The following STK36 variants were observed in gnomAD, a reference collection of about 807,000 sequenced individuals.
STK36 encodes serine/threonine-protein kinase 36.
A neutral mutation model predicts 142.2 loss-of-function variants in STK36; 116 were observed. The ratio of observed to expected loss-of-function variants is 0.82; its 90% CI spans 0.70 to 0.95. The LOEUF (loss-of-function observed/expected upper bound fraction) is 0.95, where lower values mean the gene tolerates loss of function less well. Ranked by LOEUF, STK36 falls within the 40% of genes least tolerant of loss-of-function variation. STK36 has a pLI of 0.00. For missense variants in STK36, 1,422 were observed against 1,617.2 expected, an observed-to-expected ratio of 0.88 and a Z score of 2.07; for synonymous variants, 619 against 641.7, an observed-to-expected ratio of 0.96 and a Z score of 0.53.
intron 6 of STK36, among the ~76,000 whole-genome samples, chr2:218,677,672 G>T (rs1488940777): frequency 6.6e-6 from 1 of 152,242 alleles, no homozygotes; most frequent in Admixed American, 6.5e-5. Context: ...TATCAGAATG[G>T]TGAGAGCTGG....
rs1941322143 is a variant in STK36 at position 218,698,590 on chromosome 2, C to T, written c.3058-12C>T. On this transcript the variant is annotated splice_polypyrimidine_tract_variant and intron_variant, in intron 25 of 26. Coordinates refer to ENST00000295709, the MANE Select transcript of STK36 (RefSeq NM_015690.5). ...CTCTCTCCCTGAATCCTTTTACCTC[C>T]TGTTCTCTCAGGTCTGCTGCTACCA... 5 of 1,610,914 alleles carry T rather than the reference C, an allele frequency of 3.1e-6. No individual in the cohort carries two copies. The highest frequency in any genetic ancestry group is 4.5e-5 in the East Asian group (2 of 44,870).
Position 218,699,114 on chromosome 2 carries a change from G to T in STK36, c.3570G>T (p.Leu1190=), listed in dbSNP as rs1173699535. ...AGGCTGGTCCTCTGGGACCTGCCCT[G>T]GCAGCTGCAGTGCCCAGTATGACCC... is the stretch of plus-strand genomic sequence containing the variant. ...AYQAGPLGPA[L]AAAVPSMTQL... The change falls in exon 26 of 27, where the codon CTG becomes CTT. Residue 1190 remains leucine, a synonymous_variant. Transcript: ENST00000295709. 3.7e-6 allele frequency: 6 copies of T among 1,614,032 alleles called. No homozygotes were observed. The highest frequency in any genetic ancestry group is 5.1e-6 in the Non-Finnish European group (6 of 1,180,022).
At chr2:218,687,690 C>G (rs1470728053) in intron 11 of STK36, among the ~76,000 whole-genome samples, 1 of 152,162 alleles carries the variant, frequency 6.6e-6, no homozygotes, top group Non-Finnish European at 1.5e-5. Flanking sequence ...TCTTGGACTA[C>G]TTACTTGACT....
rs1323459961 is a variant in STK36 at position 218,685,098 on chromosome 2, A to G, written c.1250A>G (p.Asp417Gly). The change falls in exon 11 of 27, where the codon GAC becomes GGC. Residue 417 changes from aspartate (D) to glycine (G), a missense_variant. This residue lies in a region of STK36 where 962 missense variants were observed against 1,167.5 expected (regional missense o/e 0.82). Transcript: ENST00000295709. ...VDLENEEPDS[D>G]NEWQHLLETT... ...CCTCTGCCTCAGGAGCCAGACAGTGACAATGAGTGGCAGCACCTGCTAGAG... is the reference window on the plus strand; with the variant it reads ...CCTCTGCCTCAGGAGCCAGACAGTGGCAATGAGTGGCAGCACCTGCTAGAG... 3.7e-6 allele frequency: 6 copies of G among 1,614,126 alleles called. No individual in the cohort carries two copies. Among genetic ancestry groups the G allele is most frequent in the East Asian group, 2.2e-5 (1 of 44,876 alleles).
At chr2:218,690,614 T>A in intron 14 of STK36, 59 bp downstream of exon 14, 1 of 1,355,060 alleles carries the variant, frequency 7.4e-7, no homozygotes, top group Non-Finnish European at 1.1e-6. Flanking sequence ...GTTTCTCCCA[T>A]CCCCTTTCTT....
At position 218,672,794 on chromosome 2, in the gene STK36, A is replaced by T. The variant is rs778067226; in HGVS notation, c.-36A>T. On this transcript the variant is annotated 5_prime_UTR_variant, in exon 2 of 27. Coordinates refer to ENST00000295709, the MANE Select transcript of STK36 (RefSeq NM_015690.5). Reference sequence around the variant, plus strand: ...GGATCTATAGCTCTTCACCGTCTCTACTTTCTTCCTTCTAAGAGATCCTGA... The same window carrying T: ...GGATCTATAGCTCTTCACCGTCTCTTCTTTCTTCCTTCTAAGAGATCCTGA... The T allele has an allele frequency of 1.2e-6, 2 of 1,605,282 alleles. No homozygotes were observed. Among genetic ancestry groups the T allele is most frequent in the South Asian group, 2.2e-5 (2 of 90,868 alleles).
chr2:218,694,756 T>G lies in STK36; in HGVS notation c.2511+121T>G. On this transcript the variant is annotated intron_variant, in intron 21 of 26. Coordinates refer to ENST00000295709, the MANE Select transcript of STK36 (RefSeq NM_015690.5). This position sits in a 1 kb window ranked among gnomAD's most constrained non-coding sequence, Gnocchi z 4.4. ...AGTAAACTGAGGAATGGAAAAGGAA[T>G]CAAGGAGCCCTTCCTTTTCTAGATT... The G allele has an allele frequency of 1.2e-6, 1 of 802,576 alleles. No individual in the cohort carries two copies. The allele number at this position is 802,576 out of a possible 1,614,324, so 49.7% of individuals were successfully genotyped here.
chr2:218,673,331 T>G, intron 2 of STK36: 1 of 430,274 alleles, frequency 2.3e-6, no homozygotes, highest in Non-Finnish European at 4.1e-6. Context: ...CCTCTTCATT[T>G]TTTTTTTCCT....
intron 2 of STK36, 190 bp downstream of exon 2, chr2:218,673,103 C>A: frequency 1.9e-6 from 1 of 538,486 alleles, no homozygotes; most frequent in Non-Finnish European, 3.3e-6. Context: ...CGCTTTCTAG[C>A]CCTAGAATTA....
intron 6 of STK36, among the ~76,000 whole-genome samples, chr2:218,677,529 T>C (rs1575122781): frequency 6.6e-6 from 1 of 152,326 alleles, no homozygotes; most frequent in East Asian, 1.9e-4. Flanking sequence ...CTATGCTTTA[T>C]CACAATGAAA....
chr2:218,695,287 G>A (rs181734671), intron 21 of STK36, among the ~76,000 whole-genome samples: 10 of 135,542 alleles, frequency 7.4e-5, no homozygotes, highest in South Asian at 4.8e-4. Flanking sequence ...GTGCCATGGC[G>A]CGATCTCGGC....
chr2:218,675,925 A>T, intron 5 of STK36, 104 bp from the exon 6 acceptor site: 1 of 1,458,166 alleles, frequency 6.9e-7, no homozygotes, highest in Non-Finnish European at 9.4e-7. Flanking sequence ...ACCTAATCAA[A>T]GGTGCTCCCT....
chr2:218,676,336 CTG>C (rs1940245309), intron 6 of STK36, 58 bp downstream of exon 6: 1 of 1,586,036 alleles, frequency 6.3e-7, no homozygotes, highest in African/African-American at 1.4e-5. Context: ...CCCTCTATCT[CTG>C]TTCCTTTTTC....
chr2:218,701,763 C>G lies in STK36; in HGVS notation c.3805-103C>G, dbSNP rs995337898. ...CCCATTTCCTTTTTCTTCCTCTTCT[C>G]GAGTGGGAATTCCTGGGTAAATGAG... is the stretch of plus-strand genomic sequence containing the variant. On this transcript the variant is annotated intron_variant, in intron 26 of 26. Transcript: ENST00000295709. The G allele has an allele frequency of 5.0e-6, 7 of 1,408,688 alleles. No homozygotes were observed. The Admixed American group carries it at 1.5e-4, about 31-fold the overall frequency. The allele number at this position is 1,408,688 out of a possible 1,614,324, so 87.3% of individuals were successfully genotyped here.
intron 6 of STK36, among the ~76,000 whole-genome samples, chr2:218,677,926 G>A (rs959822802): frequency 6.6e-6 from 1 of 152,118 alleles, no homozygotes; most frequent in Non-Finnish European, 1.5e-5. Context: ...GAGTAGCTGG[G>A]ACTACAGGTG....
Position 218,694,673 on chromosome 2 carries a change from TGA to T in STK36, c.2511+40_2511+41del. On this transcript the variant is annotated intron_variant, in intron 21 of 26. Transcript: ENST00000295709. The surrounding 1 kb of genome is among the most constrained non-coding windows in gnomAD (Gnocchi z 4.4). The stretch of plus-strand genomic sequence containing the variant: ...AGGGAGGGCACAGACATGTTTTCTC[TGA>T]GTCAGACACTAGGACTGCATTCAAG... 1 of 1,558,236 alleles carries T rather than the reference TGA, an allele frequency of 6.4e-7. No individual in the cohort carries two copies.
At chr2:218,680,486 T>G (rs1940466895) in intron 9 of STK36, 117 bp from the exon 10 acceptor site, 2 of 806,892 alleles carry the variant, frequency 2.5e-6, no homozygotes, top group African/African-American at 1.7e-5. Flanking sequence ...TCTCCTCTAG[T>G]CAATCCTATA....
rs943234438 is a variant in STK36 at position 218,700,104 on chromosome 2, T to G, written c.3804+756T>G. On this transcript the variant is annotated intron_variant, in intron 26 of 26. Coordinates refer to ENST00000295709, the MANE Select transcript of STK36 (RefSeq NM_015690.5). ...CGCCTGGCTAATTTTGTATTTTTAGTAGAGACAGGTTTCTCCATGTTGGTC... is the reference window on the plus strand; with the variant it reads ...CGCCTGGCTAATTTTGTATTTTTAGGAGAGACAGGTTTCTCCATGTTGGTC... Among the ~76,000 whole-genome samples, 5 of 152,230 alleles carry G rather than the reference T, an allele frequency of 3.3e-5. No homozygotes were observed. The South Asian group carries it at 1.0e-3, about 32-fold the overall frequency.
At position 218,672,201 on chromosome 2, in the gene STK36, C is replaced by G. The variant is rs79434202; in HGVS notation, c.-104C>G. On this transcript the variant is annotated 5_prime_UTR_variant, in exon 1 of 27. Coordinates refer to ENST00000295709, the MANE Select transcript of STK36 (RefSeq NM_015690.5). ...TTGTCCTCTGAACTTCTCACCAGTT[C>G]TAGCGAGTAAAATTGTAAGAAAGGG... 2,554 of 572,616 alleles carry G rather than the reference C, an allele frequency of 4.5e-3. 47 individuals carry two copies. Among genetic ancestry groups the G allele is most frequent in the African/African-American group, 0.043 (2,258 of 53,114 alleles). 35.5% of individuals were successfully genotyped at this position (572,616 alleles called of 1,614,324 possible).
Sources: allele counts gnomAD v4.1 joint callset (sites outside exome capture counted in the v4.1 genomes callset), GRCh38; gene constraint gnomAD v4.1.1; regional missense constraint gnomAD v4.1.1; non-coding constraint Gnocchi (gnomAD v3.1); transcripts MANE v1.5; gene names NCBI Gene and HGNC (gene_info 2026-07-23, HGNC 2026-07-21).